Variants in ITSN2 observed in about 807,000 individuals in gnomAD.
The protein encoded by ITSN2 is intersectin-2.
In ITSN2, 156 loss-of-function variants were observed where a neutral mutation model predicts 243.7. The observed-to-expected ratio is 0.64, with a 90% CI of 0.56 to 0.73. The LOEUF (loss-of-function observed/expected upper bound fraction) is 0.73, where lower values mean the gene tolerates loss of function less well. ITSN2 is among the 30% of genes least tolerant of loss of function. ITSN2 has a pLI of 0.00. For missense variants in ITSN2, 1,801 were observed against 1,996.1 expected, an observed-to-expected ratio of 0.90 and a Z score of 1.86; for synonymous variants, 703 against 699.9, an observed-to-expected ratio of 1.00 and a Z score of -0.07.
At chr2:24,207,273 C>T (rs956159696) in intron 37 of ITSN2, among the ~76,000 whole-genome samples, 7 of 151,580 alleles carry the variant, frequency 4.6e-5, no homozygotes, top group African/African-American at 1.5e-4. Context: ...CAGGAAAGGG[C>T]GATGGGAAAG....
chr2:24,348,723 A>G (rs777169548), intron 1 of ITSN2, among the ~76,000 whole-genome samples: 2 of 152,204 alleles, frequency 1.3e-5, no homozygotes, highest in South Asian at 2.1e-4. Context: ...AATAACTTTT[A>G]TCTGTGATTG....
chr2:24,300,147 G>A lies in ITSN2; in HGVS notation c.1106C>T (p.Ala369Val). ...LPVTFEDKRK[A>V]NYERGNMELE... ...CTCCATGTTCCCTCGCTCATAGTTG[G>A]CTTTCCGTTTGTCCTCAAAAGTAAC... The change falls in exon 12 of 40, where the codon GCC becomes GTC. Residue 369 changes from alanine to valine, a missense_variant. By Grantham distance (64) the Ala-to-Val change is moderately conservative (BLOSUM62 0). Coordinates refer to ENST00000355123, the MANE Select transcript of ITSN2 (RefSeq NM_006277.3). The A allele has an allele frequency of 6.2e-7, 1 of 1,614,032 alleles. No individual in the cohort carries two copies. Among genetic ancestry groups the A allele is most frequent in the Non-Finnish European group, 8.5e-7 (1 of 1,180,012 alleles).
chr2:24,320,572 A>G (rs1684450580), intron 2 of ITSN2, among the ~76,000 whole-genome samples: 1 of 140,038 alleles, frequency 7.1e-6, no homozygotes, highest in African/African-American at 2.7e-5. Flanking sequence ...AAAATTAGCC[A>G]GTGGTGGTGG....
chr2:24,268,966 T>G (rs907274246), intron 20 of ITSN2, among the ~76,000 whole-genome samples: 2 of 152,168 alleles, frequency 1.3e-5, no homozygotes, highest in African/African-American at 4.8e-5. Context: ...TAACAACACC[T>G]GTGCTATTGC....
chr2:24,281,175 C>T (rs185685159), intron 17 of ITSN2, among the ~76,000 whole-genome samples: 11 of 152,196 alleles, frequency 7.2e-5, no homozygotes, highest in East Asian at 3.9e-4. Context: ...ATTAAAGGCG[C>T]GTGCCACCAC....
chr2:24,239,489 G>A (rs1299076641), intron 29 of ITSN2: 7 of 151,820 alleles, frequency 4.6e-5, no homozygotes, highest in Admixed American at 6.6e-5. Context: ...AATCAGCTTT[G>A]GTTTTAGAAC....
chr2:24,272,042 A>C (rs1677423821), intron 18 of ITSN2, 101 bp from the exon 19 acceptor site: 1 of 981,214 alleles, frequency 1.0e-6, no homozygotes, highest in African/African-American at 1.6e-5. Context: ...AAGAACTAGC[A>C]ATGAAGTATT....
At chr2:24,230,597 G>A (rs749338861) in intron 29 of ITSN2, among the ~76,000 whole-genome samples, 22 of 152,020 alleles carry the variant, frequency 1.4e-4, no homozygotes, top group Middle Eastern at 6.8e-3. Context: ...GTGGAACCCC[G>A]TCTCTACTAA....
chr2:24,357,910 CT>C (rs60517474), intron 1 of ITSN2, among the ~76,000 whole-genome samples: 2 of 151,690 alleles, frequency 1.3e-5, no homozygotes, highest in African/African-American at 2.4e-5. Context: ...GCCCATATAA[CT>C]TTTTTTTTCT....
chr2:24,204,898 GC>G lies in ITSN2; in HGVS notation c.4762+315del, dbSNP rs535370653. 100 of 378,832 alleles carry G rather than the reference GC, an allele frequency of 2.6e-4. No individual in the cohort carries two copies. The highest frequency in any genetic ancestry group is 1.8e-3 in the African/African-American group (88 of 47,758). 23.5% of individuals were successfully genotyped at this position (378,832 alleles called of 1,614,324 possible). A position where few individuals can be genotyped will look rare whatever the true frequency, so the allele number is the denominator to read the frequency against. On this transcript the variant is annotated intron_variant, in intron 38 of 39. Transcript: ENST00000355123. This position sits in a 1 kb window ranked among gnomAD's most constrained non-coding sequence, Gnocchi z 5.1. ...TCAGTGACAAAGTGCTGTAATCCCA[GC>G]ACTTTGGGAGGCCGAGGCGGGCAGA...
intron 17 of ITSN2, among the ~76,000 whole-genome samples, chr2:24,283,127 C>T (rs1338681977): frequency 3.9e-5 from 6 of 152,072 alleles, no homozygotes; most frequent in Non-Finnish European, 7.4e-5. Context: ...CATTCCTGAT[C>T]CACTGCAATC....
intron 1 of ITSN2, among the ~76,000 whole-genome samples, chr2:24,345,764 G>A (rs993938337): frequency 1.3e-5 from 2 of 151,684 alleles, no homozygotes; most frequent in Non-Finnish European, 2.9e-5. Context: ...TGTAACATAT[G>A]CTATAAATGC....
Position 24,248,767 on chromosome 2 carries a change from G to C in ITSN2, c.3167-17C>G. 6.2e-7 allele frequency: 1 copy of C among 1,612,886 alleles called. No homozygotes were observed. Among genetic ancestry groups the C allele is most frequent in the African/African-American group, 1.3e-5 (1 of 74,892 alleles). The stretch of plus-strand genomic sequence containing the variant: ...GAGCAATCTCTGAAAAGACAAAGAA[G>C]AAACTATGAATTCAAGATTGCGACA... On this transcript the variant is annotated splice_polypyrimidine_tract_variant and intron_variant, in intron 26 of 39. Transcript: ENST00000355123.
intron 1 of ITSN2, among the ~76,000 whole-genome samples, chr2:24,353,852 A>C (rs1202332949): frequency 6.6e-6 from 1 of 152,226 alleles, no homozygotes; most frequent in Non-Finnish European, 1.5e-5. Flanking sequence ...ATCATTGAAA[A>C]AAACTAAAAA....
chr2:24,250,700 G>A (rs985552023), intron 25 of ITSN2, among the ~76,000 whole-genome samples: 7 of 152,114 alleles, frequency 4.6e-5, no homozygotes, highest in Admixed American at 2.0e-4. Context: ...AACCTATAAC[G>A]ATTCAGCATT....
intron 1 of ITSN2, among the ~76,000 whole-genome samples, chr2:24,349,116 C>G (rs2551144): frequency 3.3e-5 from 5 of 152,028 alleles, no homozygotes; most frequent in Non-Finnish European, 5.9e-5. Context: ...CAACAATAAT[C>G]ATCATCATCA....
intron 2 of ITSN2, among the ~76,000 whole-genome samples, chr2:24,323,980 C>T (rs959805907): frequency 6.6e-6 from 1 of 152,176 alleles, no homozygotes; most frequent in Non-Finnish European, 1.5e-5. Flanking sequence ...CACCTGTAAT[C>T]CCAGCACTTT....
Position 24,275,791 on chromosome 2 carries a change from T to C in ITSN2, c.2003A>G (p.Lys668Arg), listed in dbSNP as rs752534798. Residue 668 changes from lysine to arginine, a missense_variant, in exon 18 of 40, where the codon AAA becomes AGA. Lys to Arg is a conservative substitution (Grantham distance 26, BLOSUM62 2). Around this residue, in one of 5 missense-constraint regions of ITSN2, gnomAD observed 787 missense variants for 803.9 expected, o/e 0.98. Transcript: ENST00000355123. ...TTCAATTTCCTTCAACTTGTCACGT[T>C]TGATCTTATAAAGCTGTTCAAGGGC... ...QLALEQLYKI[K>R]RDKLKEIERK... The C allele has an allele frequency of 3.7e-6, 6 of 1,612,778 alleles. No individual in the cohort carries two copies. In the Admixed American group the frequency reaches 6.7e-5, roughly 18 times the overall value.
In ITSN2 at chr2:24,333,601, A is replaced by C. The variant is rs575125321; in HGVS notation, c.-33-5486T>G. ...CATATGATTTTCCTGCTCATTAAAA[A>C]TTAATGCAGAACTGGCATTGTTCCC... On this transcript the variant is annotated intron_variant, in intron 1 of 39. Coordinates refer to ENST00000355123, the MANE Select transcript of ITSN2 (RefSeq NM_006277.3). Among the ~76,000 whole-genome samples, 290 of 152,350 alleles carry C rather than the reference A, an allele frequency of 1.9e-3. 2 individuals are homozygous for C. The highest frequency in any genetic ancestry group is 6.9e-3 in the African/African-American group (288 of 41,582).
Sources: allele counts gnomAD v4.1 joint callset (sites outside exome capture counted in the v4.1 genomes callset), GRCh38; gene constraint gnomAD v4.1.1; regional missense constraint gnomAD v4.1.1; non-coding constraint Gnocchi (gnomAD v3.1); transcripts MANE v1.5; gene names NCBI Gene and HGNC (gene_info 2026-07-23, HGNC 2026-07-21).